Variants in MYH10 observed in about 807,000 individuals in gnomAD.
The protein encoded by MYH10 is myosin-10.
Under a neutral mutation model 257.8 loss-of-function variants are expected in MYH10, and 55 were observed. The ratio of observed to expected loss-of-function variants is 0.21; its 90% CI spans 0.17 to 0.27. The LOEUF (loss-of-function observed/expected upper bound fraction) is 0.27, where lower values mean the gene tolerates loss of function less well. Among genes scored for constraint, MYH10 ranks in the 10% least tolerant of loss-of-function variants. The probability of loss-of-function intolerance (pLI) is 1.00; values close to 1 mark genes in which losing one functional copy is unlikely to be tolerated. For missense variants in MYH10, 1,631 were observed against 2,500.6 expected (o/e 0.65, Z 7.42); for synonymous variants, 854 against 921.7 (o/e 0.93, Z 1.33).
rs1399368512 is a variant in MYH10 at position 8,623,027 on chromosome 17, C to A, written c.220G>T (p.Asp74Tyr). 1 of 1,614,212 alleles carries A rather than the reference C, an allele frequency of 6.2e-7. No individual in the cohort carries two copies. The highest frequency in any genetic ancestry group is 1.7e-5 in the Admixed American group (1 of 60,024). The change falls in exon 2 of 43, where the codon GAT (aspartate) becomes TAT (tyrosine). Residue 74 changes from aspartate to tyrosine, a missense_variant. Physicochemically the swap from Asp to Tyr is radical, Grantham distance 160. Transcript: ENST00000360416. ...GGTGGGTTCATCTTCTGAATATCAT[C>A]TTTGTTGACCATTGCTTTCTTTCCA... ...ENGKKAMVNK[D>Y]DIQKMNPPKF... is the part of the protein sequence containing the mutation.
At position 8,480,168 on chromosome 17, in the gene MYH10, T is replaced by C. The variant is rs571399892; in HGVS notation, c.5539A>G (p.Ile1847Val). The change falls in exon 40 of 43, where the codon ATC (isoleucine) becomes GTC (valine). Residue 1847 changes from isoleucine (I) to valine (V), a missense_variant. Physicochemically the swap from Ile to Val is conservative, Grantham distance 29 (BLOSUM62 3). Coordinates refer to ENST00000360416, the MANE Select transcript of MYH10 (RefSeq NM_001256012.3). ...GAVKSKFKAT[I>V]SALEAKIGQL... is the part of the protein sequence containing the mutation. ...CCAATCTTGGCCTCCAGGGCTGAGA[T>C]GGTGGCCTTGAACTTAGACTTGACA... 6 of 1,614,208 alleles carry C rather than the reference T, an allele frequency of 3.7e-6. No homozygotes were observed. Among genetic ancestry groups the C allele is most frequent in the East Asian group, 2.2e-5 (1 of 44,878 alleles).
In MYH10 at chr17:8,478,248, C is replaced by G. The variant is rs1034190703; in HGVS notation, c.5706+90G>C. On this transcript the variant is annotated intron_variant, in intron 41 of 42. Transcript: ENST00000360416. ...GCTGAAACATCAGAATCGGGAGGGC[C>G]CTGAATTCCACTGGTCAGTTGTGCC... The G allele has an allele frequency of 3.5e-6, 4 of 1,131,354 alleles. No individual in the cohort carries two copies. In the African/African-American group the frequency reaches 4.6e-5, roughly 13 times the overall value. 70.1% of individuals were successfully genotyped at this position (1,131,354 alleles called of 1,614,324 possible).
chr17:8,484,359 C>A, intron 36 of MYH10, 93 bp from the exon 37 acceptor site: 1 of 1,268,180 alleles, frequency 7.9e-7, no homozygotes, highest in Non-Finnish European at 1.1e-6. Flanking sequence ...CTGTGTTGCC[C>A]AGGCTGATCT....
intron 6 of MYH10, among the ~76,000 whole-genome samples, chr17:8,570,411 G>A (rs1233768544): frequency 6.6e-6 from 1 of 152,080 alleles, no homozygotes; most frequent in African/African-American, 2.4e-5. Flanking sequence ...TGCTTTAGTT[G>A]GTGTCTTTAC....
chr17:8,598,788 C>A (rs1211060978), intron 3 of MYH10, among the ~76,000 whole-genome samples: 1 of 150,892 alleles, frequency 6.6e-6, no homozygotes, highest in African/African-American at 2.4e-5. Context: ...TTCACTGCAA[C>A]CTCCACCTCC....
intron 28 of MYH10, 62 bp from the exon 29 acceptor site, chr17:8,501,032 T>C: frequency 2.6e-6 from 4 of 1,513,712 alleles, no homozygotes; most frequent in Non-Finnish European, 3.6e-6. Flanking sequence ...ACACATTTTC[T>C]TTTTGAAAAA....
intron 16 of MYH10, among the ~76,000 whole-genome samples, chr17:8,534,145 T>C (rs576763531): frequency 5.3e-4 from 81 of 152,308 alleles, no homozygotes; most frequent in African/African-American, 1.8e-3. Context: ...GTAAGTTCTA[T>C]TGCAGCTCCC....
chr17:8,564,437 G>A (rs930612555), intron 7 of MYH10, among the ~76,000 whole-genome samples: 1 of 152,152 alleles, frequency 6.6e-6, no homozygotes, highest in African/African-American at 2.4e-5. Context: ...GCCTGCCCAC[G>A]GAGCAACTGC....
chr17:8,495,052 C>A, intron 31 of MYH10, 85 bp downstream of exon 31: 1 of 827,818 alleles, frequency 1.2e-6, no homozygotes, highest in Non-Finnish European at 2.0e-6. Context: ...ACACAGAAGG[C>A]AATTCTGGGG....
intron 14 of MYH10, among the ~76,000 whole-genome samples, chr17:8,538,430 G>A (rs1037383965): frequency 3.3e-5 from 5 of 152,160 alleles, no homozygotes; most frequent in South Asian, 2.1e-4. Context: ...GGCTGGTCTC[G>A]AACTCCTGAC....
Position 8,535,331 on chromosome 17 carries a change from C to G in MYH10, c.1894+56G>C. The G allele has an allele frequency of 8.9e-6, 12 of 1,351,172 alleles. No homozygotes were observed. Among genetic ancestry groups the G allele is most frequent in the Non-Finnish European group, 1.3e-5 (12 of 955,438 alleles). The allele number at this position is 1,351,172 out of a possible 1,614,324, so 83.7% of individuals were successfully genotyped here. ...TATATGTAAAAGAACCATCTATAAA[C>G]CTTAATTATAAAAGATTCCAGCCAA... On this transcript the variant is annotated intron_variant, in intron 16 of 42. Transcript: ENST00000360416. The surrounding 1 kb of genome is among the most constrained non-coding windows in gnomAD (Gnocchi z 4.3).
In MYH10 at chr17:8,545,437, G is replaced by T. The variant is rs756629299; in HGVS notation, c.1431+11C>A. ...AAGAAGGACGAGCTAGAGGAAGAGG[G>T]GGAAGAATACCTCAAAAATTTCAAA... On this transcript the variant is annotated intron_variant, in intron 13 of 42. Transcript: ENST00000360416. This position sits in a 1 kb window ranked among gnomAD's most constrained non-coding sequence, Gnocchi z 4.7. 3.7e-6 allele frequency: 6 copies of T among 1,612,760 alleles called. No homozygotes were observed. Among genetic ancestry groups the T allele is most frequent in the Non-Finnish European group, 4.2e-6 (5 of 1,179,620 alleles).
chr17:8,574,070 C>A (rs577992871), intron 6 of MYH10, among the ~76,000 whole-genome samples: 1 of 152,266 alleles, frequency 6.6e-6, no homozygotes, highest in South Asian at 2.1e-4. Flanking sequence ...CTCACCATAA[C>A]TTGTACATGA....
intron 37 of MYH10, among the ~76,000 whole-genome samples, chr17:8,482,834 T>C (rs929984020): frequency 8.5e-5 from 13 of 152,232 alleles, no homozygotes; most frequent in African/African-American, 2.9e-4. Flanking sequence ...GAGCGCTCTC[T>C]AGGAGGCAGG....
At chr17:8,509,468 G>A (rs1343387707) in intron 25 of MYH10, among the ~76,000 whole-genome samples, 1 of 152,212 alleles carries the variant, frequency 6.6e-6, no homozygotes, top group Non-Finnish European at 1.5e-5. Flanking sequence ...CCCACCCCGG[G>A]AGCTTGGCCC....
chr17:8,599,422 C>A (rs888459120), intron 3 of MYH10, among the ~76,000 whole-genome samples: 1 of 152,188 alleles, frequency 6.6e-6, no homozygotes, highest in Non-Finnish European at 1.5e-5. Flanking sequence ...ATTCTCCTTA[C>A]ATTTCCAATA....
chr17:8,573,665 C>T (rs148783696), intron 6 of MYH10, among the ~76,000 whole-genome samples: 59 of 152,240 alleles, frequency 3.9e-4, no homozygotes, highest in Middle Eastern at 3.4e-3. Flanking sequence ...TACTTGCAGT[C>T]GGCTGGTGGA....
intron 30 of MYH10, among the ~76,000 whole-genome samples, chr17:8,497,672 G>A (rs1484759966): frequency 7.4e-6 from 1 of 134,456 alleles, no homozygotes; most frequent in Non-Finnish European, 1.5e-5. Context: ...CCGGGAGGCA[G>A]AGCTTGCAGT....
intron 7 of MYH10, among the ~76,000 whole-genome samples, chr17:8,564,919 G>C (rs552700539): frequency 6.6e-6 from 1 of 152,336 alleles, no homozygotes; most frequent in African/African-American, 2.4e-5. Context: ...TAACTAGCTA[G>C]TTAGGAGAAG....
Sources: allele counts gnomAD v4.1 joint callset (sites outside exome capture counted in the v4.1 genomes callset), GRCh38; gene constraint gnomAD v4.1.1; non-coding constraint Gnocchi (gnomAD v3.1); transcripts MANE v1.5; gene names NCBI Gene and HGNC (gene_info 2026-07-23, HGNC 2026-07-21).